Variants in LOC128092252 observed in about 807,000 individuals in gnomAD.
At chr15:50,651,568 A>T in the LOC128092252 span, among the ~76,000 whole-genome samples, 3 of 151,866 alleles carry the variant, frequency 2.0e-5, no homozygotes, top group African/African-American at 7.3e-5. Flanking sequence ...AGGCCGAGGC[A>T]GGTGGATTGC....
At chr15:50,683,798 CTCT>C in the LOC128092252 span, among the ~76,000 whole-genome samples, 17 of 152,078 alleles carry the variant, frequency 1.1e-4, no homozygotes, top group African/African-American at 3.6e-4. Context: ...CAGTATGTGC[CTCT>C]TAATGTAATG....
chr15:50,679,709 T>C, the LOC128092252 span, among the ~76,000 whole-genome samples: 3 of 150,792 alleles, frequency 2.0e-5, no homozygotes, highest in African/African-American at 7.3e-5. Flanking sequence ...CTGATTTTTA[T>C]ATTTTTAGTA....
the LOC128092252 span, among the ~76,000 whole-genome samples, chr15:50,669,954 G>T: frequency 2.6e-4 from 40 of 152,164 alleles, no homozygotes; most frequent in Admixed American, 1.3e-3. Flanking sequence ...TACTGTTATG[G>T]AATACATTGC....
chr15:50,686,304 G>T, the LOC128092252 span, among the ~76,000 whole-genome samples: 1 of 152,178 alleles, frequency 6.6e-6, no homozygotes. Flanking sequence ...TCGGCTCAGG[G>T]GATTCCCGCG....
At chr15:50,679,380 G>A in the LOC128092252 span, among the ~76,000 whole-genome samples, 987 of 149,104 alleles carry the variant, frequency 6.6e-3, 7 homozygotes, top group Admixed American at 0.012. Context: ...TTCACACTGC[G>A]AGTAAGCCAT....
chr15:50,665,916 G>A, the LOC128092252 span, among the ~76,000 whole-genome samples: 65 of 152,032 alleles, frequency 4.3e-4, no homozygotes, highest in African/African-American at 1.5e-3. Flanking sequence ...CTGCTTGAAC[G>A]TGGAAGGCAG....
the LOC128092252 span, among the ~76,000 whole-genome samples, chr15:50,672,898 CAAA>C: frequency 8.8e-4 from 23 of 26,210 alleles, no homozygotes; most frequent in African/African-American, 1.3e-3. Context: ...GACTCTGTCT[CAAA>C]AAAAAAAAAA....
At chr15:50,674,201 C>CT in the LOC128092252 span, among the ~76,000 whole-genome samples, 1 of 152,204 alleles carries the variant, frequency 6.6e-6, no homozygotes, top group Non-Finnish European at 1.5e-5. Flanking sequence ...GTTGACCAGG[C>CT]TGGTCTCAAA....
chr15:50,659,869 T>C, the LOC128092252 span, among the ~76,000 whole-genome samples: 8 of 152,160 alleles, frequency 5.3e-5, no homozygotes, highest in African/African-American at 1.7e-4. Flanking sequence ...GGTTTCACCA[T>C]GTTGGCCAGG....
the LOC128092252 span, among the ~76,000 whole-genome samples, chr15:50,670,125 G>C: frequency 2.6e-5 from 4 of 152,106 alleles, no homozygotes; most frequent in African/African-American, 7.2e-5. Flanking sequence ...ACGGACACAA[G>C]AGACCTTAAT....
the LOC128092252 span, among the ~76,000 whole-genome samples, chr15:50,684,613 C>G: frequency 6.6e-6 from 1 of 151,722 alleles, no homozygotes; most frequent in Non-Finnish European, 1.5e-5. Flanking sequence ...TGCACTCAGC[C>G]TGGGCAACAG....
At chr15:50,672,434 T>C in the LOC128092252 span, among the ~76,000 whole-genome samples, 2 of 151,790 alleles carry the variant, frequency 1.3e-5, no homozygotes. Context: ...GGCACTGTTA[T>C]CATAGAAAAT....
chr15:50,659,124 G>A, the LOC128092252 span, among the ~76,000 whole-genome samples: 11 of 152,132 alleles, frequency 7.2e-5, no homozygotes, highest in East Asian at 2.1e-3. Flanking sequence ...CCTGAACCCA[G>A]GAGGCAGAGC....
chr15:50,667,752 G>A, the LOC128092252 span, among the ~76,000 whole-genome samples: 1 of 152,096 alleles, frequency 6.6e-6, no homozygotes, highest in Non-Finnish European at 1.5e-5. Flanking sequence ...AATAAAATTG[G>A]ATCAATTTGT....
At chr15:50,667,220 G>A in the LOC128092252 span, among the ~76,000 whole-genome samples, 1 of 152,162 alleles carries the variant, frequency 6.6e-6, no homozygotes, top group African/African-American at 2.4e-5. Context: ...CCTAGAAGCT[G>A]TGCCTGATTA....
the LOC128092252 span, among the ~76,000 whole-genome samples, chr15:50,677,871 C>A: frequency 6.7e-6 from 1 of 150,238 alleles, no homozygotes; most frequent in East Asian, 1.9e-4. Context: ...TTCAAAAGAA[C>A]GGTAATCAAA....
chr15:50,648,838 C>T, the LOC128092252 span: 2 of 1,612,404 alleles, frequency 1.2e-6, no homozygotes, highest in Non-Finnish European at 8.5e-7. Context: ...CATGGCAAGA[C>T]TTGCAGTAAA....
At chr15:50,667,987 T>C in the LOC128092252 span, among the ~76,000 whole-genome samples, 20 of 152,112 alleles carry the variant, frequency 1.3e-4, no homozygotes, top group South Asian at 2.1e-4. Context: ...TTATCAGCAG[T>C]AATTATGATT....
At chr15:50,650,778 A>G in the LOC128092252 span, among the ~76,000 whole-genome samples, 14 of 152,342 alleles carry the variant, frequency 9.2e-5, no homozygotes, top group South Asian at 4.1e-4. Context: ...GAAAGGATCA[A>G]ACTGATCCAA....
Sources: gnomAD v4.1 joint callset for allele counts (sites outside exome capture counted in the v4.1 genomes callset) on GRCh38, gnomAD v4.1.1 for gene constraint, MANE v1.5 for transcripts.